ATP2C2: variants seen among roughly 807,000 people sequenced by gnomAD.
ATP2C2 encodes ATPase secretory pathway Ca2+ transporting 2.
ATP2C2 carries 171 observed loss-of-function variants against 110.8 expected under a neutral mutation model. The ratio of observed to expected loss-of-function variants is 1.54; its 90% CI spans 1.36 to 1.75. ATP2C2 has a LOEUF of 1.75. ATP2C2 is among the 40% of genes most tolerant of loss of function. ATP2C2 has a pLI of 0.00. For missense variants in ATP2C2, 1,963 were observed against 1,235.0 expected, an observed-to-expected ratio of 1.59 and a Z score of -8.84; for synonymous variants, 804 against 508.4, an observed-to-expected ratio of 1.58 and a Z score of -7.82.
In ATP2C2 at chr16:84,452,014, C is replaced by A. The variant is rs544756548; in HGVS notation, c.1754C>A (p.Ala585Glu). ...CCCCCGAGAGTTGGCGTGAAGGAAG[C>A]AGTCCAGGTTCTCTCCGAGTCTGGT... The part of the protein sequence containing the change: ...IDPPRVGVKE[A>E]VQVLSESGVS... Residue 585 changes from alanine to glutamate, a missense_variant, in exon 18 of 27, where the codon GCA becomes GAA. Coordinates refer to ENST00000262429, the MANE Select transcript of ATP2C2 (RefSeq NM_014861.4). 1.2e-6 allele frequency: 2 copies of A among 1,613,388 alleles called. No individual in the cohort carries two copies. The highest frequency in any genetic ancestry group is 1.7e-6 in the Non-Finnish European group (2 of 1,179,928).
chr16:84,452,897 A>AC (rs1018484370), intron 18 of ATP2C2, among the ~76,000 whole-genome samples: 1 of 151,848 alleles, frequency 6.6e-6, no homozygotes, highest in Non-Finnish European at 1.5e-5. Context: ...GTTACTCCTT[A>AC]CCAGCTGTGT....
intron 21 of ATP2C2, among the ~76,000 whole-genome samples, chr16:84,455,356 C>G (rs576343265): frequency 2.0e-5 from 3 of 152,256 alleles, no homozygotes; most frequent in African/African-American, 7.2e-5. Flanking sequence ...AATACGTGCT[C>G]ACACTTGAGT....
chr16:84,398,403 C>G (rs998116092), intron 1 of ATP2C2, 96 bp from the exon 2 acceptor site: 18 of 691,102 alleles, frequency 2.6e-5, no homozygotes, highest in Non-Finnish European at 3.7e-5. Flanking sequence ...GAGACTCCAT[C>G]TCAAAAAAAT....
intron 1 of ATP2C2, among the ~76,000 whole-genome samples, chr16:84,374,473 A>G (rs1441517469): frequency 2.0e-5 from 3 of 152,248 alleles, no homozygotes; most frequent in Non-Finnish European, 4.4e-5. Context: ...TTCAAGGTTA[A>G]TAAGTTCTCA....
At chr16:84,452,938 T>C (rs1487376202) in intron 18 of ATP2C2, among the ~76,000 whole-genome samples, 200 bp from the exon 19 acceptor site, 1 of 152,100 alleles carries the variant, frequency 6.6e-6, no homozygotes, top group Non-Finnish European at 1.5e-5. Context: ...TGTTTCCCCA[T>C]CTTTAAAGTG....
At chr16:84,445,211 T>C (rs1231899109) in intron 15 of ATP2C2, among the ~76,000 whole-genome samples, 1 of 81,736 alleles carries the variant, frequency 1.2e-5, no homozygotes, top group East Asian at 2.7e-4. Context: ...CGTTTTCCTC[T>C]TTTTTTTTTT....
chr16:84,460,983 AAAG>A, intron 24 of ATP2C2, 182 bp downstream of exon 24: 2 of 840,330 alleles, frequency 2.4e-6, no homozygotes, highest in Non-Finnish European at 3.5e-6. Context: ...GTGACCCTTG[AAAG>A]AAGGGAGGTC....
chr16:84,371,838 C>T (rs866270599), intron 1 of ATP2C2, among the ~76,000 whole-genome samples: 23 of 152,196 alleles, frequency 1.5e-4, no homozygotes, highest in African/African-American at 5.5e-4. Context: ...GGGGCTCCCT[C>T]TGTGTGTCAA....
In ATP2C2 at chr16:84,451,930, T is replaced by G. The variant is rs1424782475; in HGVS notation, c.1670T>G (p.Leu557Arg). 6.2e-7 allele frequency: 1 copy of G among 1,613,970 alleles called. No homozygotes were observed. Among genetic ancestry groups the G allele is most frequent in the Admixed American group, 1.7e-5 (1 of 60,006 alleles). ...CCCCCTCTCTCCTCAGTGCTGGCCC[T>G]GGCTTCTGGGCCCGAGCTGGGGCGG... ...MGSLGLRVLA[L>R]ASGPELGRLT... The change falls in exon 18 of 27, where the codon CTG becomes CGG. Residue 557 changes from leucine to arginine, a missense_variant. Leu to Arg is a moderately radical substitution (Grantham distance 102). Coordinates refer to ENST00000262429, the MANE Select transcript of ATP2C2 (RefSeq NM_014861.4).
At chr16:84,415,921 AG>A (rs1213074593) in intron 7 of ATP2C2, among the ~76,000 whole-genome samples, 1 of 151,928 alleles carries the variant, frequency 6.6e-6, no homozygotes, top group Non-Finnish European at 1.5e-5. Flanking sequence ...CAGACACACA[AG>A]TGTTAGAAAG....
At chr16:84,415,287 G>A (rs780362620) in intron 6 of ATP2C2, among the ~76,000 whole-genome samples, 196 bp from the exon 7 acceptor site, 1 of 152,176 alleles carries the variant, frequency 6.6e-6, no homozygotes, top group African/African-American at 2.4e-5. Context: ...GTGGCCCAGG[G>A]ATGCCCAGAA....
At chr16:84,442,387 A>C in intron 14 of ATP2C2, 123 bp from the exon 15 acceptor site, 1 of 837,856 alleles carries the variant, frequency 1.2e-6, no homozygotes. Flanking sequence ...CGGGACGCTG[A>C]GTTGTTTTAA....
In ATP2C2 at chr16:84,442,570, G is replaced by T; in HGVS notation, c.1372G>T (p.Glu458Ter). The T allele has an allele frequency of 1.9e-6, 3 of 1,614,082 alleles. No homozygotes were observed. Among genetic ancestry groups the T allele is most frequent in the Non-Finnish European group, 2.5e-6 (3 of 1,179,976 alleles). Residue 458 changes from glutamate (E) to a stop codon, truncating the protein, a stop_gained, in exon 15 of 27, where the codon GAG (glutamate) becomes TAG (stop). Coordinates refer to ENST00000262429, the MANE Select transcript of ATP2C2 (RefSeq NM_014861.4). LOFTEE classifies it high-confidence loss of function. Reference protein sequence around the residue: ...RKNAVMGQPTEGALMALAMKM... With the variant: ...RKNAVMGQPT Reference sequence around the variant, plus strand: ...GAACGCCGTGATGGGGCAGCCCACCGAGGGTGCATTGATGGCCCTGGCGAT... The same window carrying T: ...GAACGCCGTGATGGGGCAGCCCACCTAGGGTGCATTGATGGCCCTGGCGAT...
chr16:84,446,258 A>T, intron 15 of ATP2C2, 71 bp from the exon 16 acceptor site: 1 of 858,880 alleles, frequency 1.2e-6, no homozygotes, highest in Non-Finnish European at 1.7e-6. Flanking sequence ...TGAATAATTT[A>T]AATGGACTGA....
At position 84,440,973 on chromosome 16, in the gene ATP2C2, C is replaced by T. The variant is rs780475072; in HGVS notation, c.1311+15C>T. The T allele has an allele frequency of 3.4e-5, 54 of 1,590,854 alleles. No homozygotes were observed. The South Asian group carries it at 5.0e-4, about 15-fold the overall frequency. On this transcript the variant is annotated intron_variant, in intron 14 of 26. Coordinates refer to ENST00000262429, the MANE Select transcript of ATP2C2 (RefSeq NM_014861.4). ...AGTTAGTGGAGGTAGGTGTCAAAAG[C>T]GCCATGAGGGAAATAGGCATTTACA...
At chr16:84,456,292 G>T (rs992119112) in intron 21 of ATP2C2, among the ~76,000 whole-genome samples, 2 of 150,982 alleles carry the variant, frequency 1.3e-5, no homozygotes, top group African/African-American at 4.9e-5. Context: ...ATTGATTATT[G>T]TCACAATTTC....
At chr16:84,383,786 GGTTTTTTTTTTTTTTTTTTTT>G (rs1567686245) in intron 1 of ATP2C2, among the ~76,000 whole-genome samples, 1 of 85,648 alleles carries the variant, frequency 1.2e-5, no homozygotes, top group Non-Finnish European at 2.6e-5. Flanking sequence ...TGGTTTTGTT[GGTTTTTTTTTTTTTTTTTTTT>G]TGAGACAGCG....
intron 6 of ATP2C2, among the ~76,000 whole-genome samples, chr16:84,414,336 C>G (rs1193601430): frequency 6.6e-6 from 1 of 152,212 alleles, no homozygotes; most frequent in African/African-American, 2.4e-5. Context: ...GTTCTTTCAC[C>G]TCCTTACCCT....
At chr16:84,397,772 C>G (rs1417393150) in intron 1 of ATP2C2, among the ~76,000 whole-genome samples, 1 of 151,382 alleles carries the variant, frequency 6.6e-6, no homozygotes, top group East Asian at 1.9e-4. Flanking sequence ...TCTACTCATA[C>G]AGTGGAATAC....
Sources: gnomAD v4.1 joint callset for allele counts (sites outside exome capture counted in the v4.1 genomes callset) on GRCh38, gnomAD v4.1.1 for gene constraint, MANE v1.5 for transcripts, NCBI Gene and HGNC (gene_info 2026-07-23, HGNC 2026-07-21) for gene names.